SUPT6H: variants seen among roughly 807,000 people sequenced by gnomAD.
SUPT6H encodes SPT6 homolog, histone chaperone and transcription elongation factor, also known as transcription elongation factor SPT6.
Under a neutral mutation model 222.3 loss-of-function variants are expected in SUPT6H, and 11 were observed. The ratio of observed to expected loss-of-function variants is 0.05; its 90% CI spans 0.03 to 0.08. The LOEUF is 0.08. Ranked by LOEUF, SUPT6H falls within the 10% of genes least tolerant of loss-of-function variation. The probability of loss-of-function intolerance (pLI) is 1.00; values close to 1 mark genes in which losing one functional copy is unlikely to be tolerated. For synonymous variants in SUPT6H, 762 were observed against 801.2 expected (o/e 0.95, Z 0.83); for missense variants, 1,422 against 2,216.0 (o/e 0.64, Z 7.19).
intron 28 of SUPT6H, 168 bp from the exon 29 acceptor site, chr17:28,695,184 A>C: frequency 4.5e-6 from 3 of 662,836 alleles, no homozygotes; most frequent in Non-Finnish European, 7.7e-6. Context: ...TCTACAGACA[A>C]GATTCCACCC....
At chr17:28,663,913 C>T (rs1227737779) in intron 1 of SUPT6H, among the ~76,000 whole-genome samples, 2 of 141,832 alleles carry the variant, frequency 1.4e-5, no homozygotes, top group Non-Finnish European at 3.0e-5. Context: ...TCACTGCCAC[C>T]TGGAACTCCT....
At chr17:28,663,129 A>G (rs999714966) in intron 1 of SUPT6H, among the ~76,000 whole-genome samples, 11 of 152,246 alleles carry the variant, frequency 7.2e-5, no homozygotes, top group Non-Finnish European at 1.3e-4. Context: ...GTATGAAGCT[A>G]CATCATTAAT....
chr17:28,681,998 TG>T lies in SUPT6H; in HGVS notation c.1597+21del. The T allele has an allele frequency of 6.3e-7, 1 of 1,589,098 alleles. No homozygotes were observed. The highest frequency in any genetic ancestry group is 8.6e-7 in the Non-Finnish European group (1 of 1,168,290). ...TGGGCTAGGTAAAAGCTAGCTGCTT[TG>T]GGATTTAGGCATTCTAGCCTGAGCA... On this transcript the variant is annotated intron_variant, in intron 13 of 36. Transcript: ENST00000314616.
intron 35 of SUPT6H, 177 bp downstream of exon 35, chr17:28,700,689 A>G (rs1014091741): frequency 6.7e-5 from 68 of 1,013,614 alleles, no homozygotes; most frequent in Non-Finnish European, 8.9e-5. Flanking sequence ...AAGAGAGGGC[A>G]TAACCTTTCC....
At chr17:28,680,756 A>T (rs1288093258) in intron 11 of SUPT6H, among the ~76,000 whole-genome samples, 3 of 152,082 alleles carry the variant, frequency 2.0e-5, no homozygotes, top group Admixed American at 2.0e-4. Flanking sequence ...GGTTCATACC[A>T]TCTGCCTCAG....
intron 9 of SUPT6H, 142 bp downstream of exon 9, chr17:28,678,334 C>G: frequency 1.2e-6 from 1 of 866,888 alleles, no homozygotes; most frequent in South Asian, 1.5e-5. Flanking sequence ...AGCAGAGACC[C>G]TAGTGATCGT....
At chr17:28,677,498 T>C (rs528909623) in intron 7 of SUPT6H, among the ~76,000 whole-genome samples, 1 of 151,342 alleles carries the variant, frequency 6.6e-6, no homozygotes, top group South Asian at 2.1e-4. Context: ...TGACCCTAGA[T>C]CGCGCCGTTG....
At chr17:28,667,427 A>ATATATATATG (rs2030122907) in intron 1 of SUPT6H, among the ~76,000 whole-genome samples, 1 of 133,380 alleles carries the variant, frequency 7.5e-6, no homozygotes, top group South Asian at 2.4e-4. Context: ...ATATATATAT[A>ATATATATATG]TATATATATG....
At chr17:28,698,805 G>C (rs141052168) in intron 32 of SUPT6H, among the ~76,000 whole-genome samples, 1 of 152,264 alleles carries the variant, frequency 6.6e-6, no homozygotes, top group African/African-American at 2.4e-5. Context: ...TCTGTACCGT[G>C]TGCCATCTTG....
intron 20 of SUPT6H, 84 bp downstream of exon 20, chr17:28,686,499 G>T: frequency 6.5e-7 from 1 of 1,550,142 alleles, no homozygotes; most frequent in Non-Finnish European, 8.8e-7. Context: ...GCCCATAACA[G>T]ATGGGGCTTG....
rs775314018 is a variant in SUPT6H at position 28,674,359 on chromosome 17, TGATGAA to T, written c.194_199del (p.Asp65_Glu66del). On this transcript the variant is annotated inframe_deletion, in exon 3 of 37. Coordinates refer to ENST00000314616, the MANE Select transcript of SUPT6H (RefSeq NM_003170.5). ...TGAAAGGCTTTATCAATGACGATGA[TGATGAA>T]GATGAAGGGGAGGAGGATGAGGGCA... 63 of 1,614,074 alleles carry T rather than the reference TGATGAA, an allele frequency of 3.9e-5. No homozygotes were observed. The African/African-American group carries it at 5.5e-4, about 14-fold the overall frequency.
chr17:28,663,827 C>CCTTTTTTTTT (rs1567681347), intron 1 of SUPT6H, among the ~76,000 whole-genome samples: 4 of 8,408 alleles, frequency 4.8e-4, no homozygotes, highest in African/African-American at 1.0e-3. Flanking sequence ...CTGCCCACTC[C>CCTTTTTTTTT]ATTTTTTTTT....
chr17:28,673,604 G>C (rs1233782705), intron 2 of SUPT6H, 94 bp downstream of exon 2: 1 of 915,398 alleles, frequency 1.1e-6, no homozygotes, highest in South Asian at 1.4e-5. Context: ...CAGCACAGAA[G>C]TTATCACACA....
At chr17:28,671,008 A>G (rs1597687739) in intron 1 of SUPT6H, 1 of 152,356 alleles carries the variant, frequency 6.6e-6, no homozygotes, top group East Asian at 1.9e-4. Flanking sequence ...CCTCAACCGA[A>G]AATTGAACAT....
Position 28,693,713 on chromosome 17 carries a change from C to T in SUPT6H, c.3651C>T (p.Asp1217=), listed in dbSNP as rs2031777971. Residue 1217 remains aspartate, a synonymous_variant, in exon 28 of 37, where the codon GAC becomes GAT. Coordinates refer to ENST00000314616, the MANE Select transcript of SUPT6H (RefSeq NM_003170.5). ...PELSEVWNHF[D]SGSCPGQAIG... ...CTCTTCAGGTGTGGAACCACTTTGA[C>T]AGCGGTTCGTGCCCAGGCCAGGCCA... 1 of 1,614,096 alleles carries T rather than the reference C, an allele frequency of 6.2e-7. No homozygotes were observed. The highest frequency in any genetic ancestry group is 8.5e-7 in the Non-Finnish European group (1 of 1,180,042).
At chr17:28,666,646 C>T (rs763198290) in intron 1 of SUPT6H, among the ~76,000 whole-genome samples, 61 of 151,470 alleles carry the variant, frequency 4.0e-4, no homozygotes, top group Non-Finnish European at 7.5e-4. Context: ...CTGACTCCCA[C>T]GTTCAAGCGA....
chr17:28,698,370 C>T (rs1365607135), intron 32 of SUPT6H, among the ~76,000 whole-genome samples: 2 of 152,234 alleles, frequency 1.3e-5, no homozygotes, highest in African/African-American at 4.8e-5. Context: ...CACCACCTGC[C>T]TCACCCTCAC....
intron 19 of SUPT6H, 88 bp downstream of exon 19, chr17:28,685,049 T>C: frequency 7.9e-7 from 1 of 1,266,678 alleles, no homozygotes; most frequent in Non-Finnish European, 1.1e-6. Flanking sequence ...CTAAGCAACA[T>C]CCTATGCAAG....
chr17:28,678,010 C>A, intron 8 of SUPT6H, 66 bp from the exon 9 acceptor site: 2 of 1,487,896 alleles, frequency 1.3e-6, no homozygotes, highest in Non-Finnish European at 1.9e-6. Flanking sequence ...TGTTATTAAG[C>A]AGTCTTGTAT....
Sources: gnomAD v4.1 joint callset for allele counts (sites outside exome capture counted in the v4.1 genomes callset) on GRCh38, gnomAD v4.1.1 for gene constraint, MANE v1.5 for transcripts, NCBI Gene and HGNC (gene_info 2026-07-23, HGNC 2026-07-21) for gene names.